DNAH7: variants seen among roughly 807,000 people sequenced by gnomAD.
The protein encoded by DNAH7 is dynein axonemal heavy chain 7, also known as axonemal beta dynein heavy chain 7.
DNAH7 carries 397 observed loss-of-function variants against 444.6 expected under a neutral mutation model. That is an observed-to-expected ratio of 0.89 (90% CI 0.82 to 0.97). The LOEUF (loss-of-function observed/expected upper bound fraction) is 0.97, where lower values mean the gene tolerates loss of function less well. Among genes scored for constraint, DNAH7 ranks in the 50% least tolerant of loss-of-function variants. The probability of loss-of-function intolerance (pLI) is 0.00; values close to 1 mark genes in which losing one functional copy is unlikely to be tolerated. For synonymous variants in DNAH7, 1,636 were observed against 1,624.4 expected (o/e 1.01, Z -0.17); for missense variants, 4,902 against 4,800.8 (o/e 1.02, Z -0.62).
chr2:195,778,400 G>T (rs2105953904), intron 58 of DNAH7, among the ~76,000 whole-genome samples: 1 of 151,170 alleles, frequency 6.6e-6, no homozygotes, highest in East Asian at 1.9e-4. Context: ...CACTTTGAGA[G>T]GCCAAGGCGA....
chr2:195,918,737 T>C (rs925290119), intron 24 of DNAH7, among the ~76,000 whole-genome samples: 6 of 152,314 alleles, frequency 3.9e-5, no homozygotes, highest in African/African-American at 1.2e-4. Context: ...CGACAGGGGT[T>C]CTGCGGGAGA....
intron 48 of DNAH7, among the ~76,000 whole-genome samples, chr2:195,830,721 A>G (rs910723553): frequency 6.6e-6 from 1 of 152,214 alleles, no homozygotes; most frequent in Non-Finnish European, 1.5e-5. Context: ...AAGAGCAAAA[A>G]CAAGCTAAGA....
intron 11 of DNAH7, among the ~76,000 whole-genome samples, chr2:196,001,208 AG>A (rs1412596806): frequency 2.0e-5 from 3 of 152,192 alleles, no homozygotes; most frequent in African/African-American, 7.2e-5. Flanking sequence ...ACACTGCAAC[AG>A]GACCTCCTTC....
intron 19 of DNAH7, among the ~76,000 whole-genome samples, chr2:195,944,573 T>G (rs1206108642): frequency 6.6e-6 from 1 of 152,152 alleles, no homozygotes. Flanking sequence ...CAGAGTCAAT[T>G]ACATCCAAGT....
chr2:195,880,511 G>C (rs934624532), intron 36 of DNAH7, among the ~76,000 whole-genome samples: 9 of 149,942 alleles, frequency 6.0e-5, no homozygotes, highest in Admixed American at 2.7e-4. Context: ...TTGTTTGCTT[G>C]TTTTTGTATT....
chr2:195,987,483 T>C (rs191590937), intron 13 of DNAH7, among the ~76,000 whole-genome samples: 17 of 152,174 alleles, frequency 1.1e-4, no homozygotes, highest in African/African-American at 3.9e-4. Context: ...AAATAAATAA[T>C]GTAGGTTTCA....
intron 1 of DNAH7, among the ~76,000 whole-genome samples, chr2:196,060,945 TCA>T (rs1698099747): frequency 6.6e-6 from 1 of 152,214 alleles, no homozygotes; most frequent in African/African-American, 2.4e-5. Context: ...CAATTCATTC[TCA>T]TTTTTTAAAG....
chr2:196,049,800 T>C (rs1284115021), intron 3 of DNAH7, among the ~76,000 whole-genome samples: 3 of 152,222 alleles, frequency 2.0e-5, no homozygotes, highest in Non-Finnish European at 4.4e-5. Flanking sequence ...GTCTCAGCCA[T>C]AGATATTCGA....
intron 35 of DNAH7, among the ~76,000 whole-genome samples, chr2:195,884,024 T>C (rs935914528): frequency 9.2e-5 from 14 of 152,228 alleles, no homozygotes; most frequent in African/African-American, 2.9e-4. Context: ...AAGCTGCCCA[T>C]TGGGAATGTG....
intron 16 of DNAH7, 80 bp downstream of exon 16, chr2:195,972,161 TA>T: frequency 8.4e-7 from 1 of 1,186,434 alleles, no homozygotes; most frequent in Non-Finnish European, 1.2e-6. Flanking sequence ...TGCACTCAAA[TA>T]AAATAATTGA....
chr2:196,041,608 G>A (rs144837398), intron 5 of DNAH7, among the ~76,000 whole-genome samples: 60 of 152,098 alleles, frequency 3.9e-4, no homozygotes, highest in African/African-American at 1.4e-3. Flanking sequence ...GAAAGTACTA[G>A]AAGAAAACAT....
At chr2:195,990,863 A>G (rs1693269234) in intron 12 of DNAH7, among the ~76,000 whole-genome samples, 1 of 141,880 alleles carries the variant, frequency 7.0e-6, no homozygotes, top group Non-Finnish European at 1.5e-5. Flanking sequence ...ATATATATAC[A>G]TATATACTTA....
intron 8 of DNAH7, among the ~76,000 whole-genome samples, chr2:196,020,483 C>T (rs749528848): frequency 6.6e-6 from 1 of 152,072 alleles, no homozygotes; most frequent in Admixed American, 6.5e-5. Flanking sequence ...GGCTGTATCA[C>T]CTTTGCAATT....
At chr2:196,009,227 A>G (rs1694575619) in intron 10 of DNAH7, among the ~76,000 whole-genome samples, 1 of 152,190 alleles carries the variant, frequency 6.6e-6, no homozygotes, top group African/African-American at 2.4e-5. Flanking sequence ...CAAGCATCCA[A>G]ACTATACGGC....
chr2:195,778,633 TA>T (rs1187749777), intron 58 of DNAH7, among the ~76,000 whole-genome samples: 2 of 30,290 alleles, frequency 6.6e-5, no homozygotes, highest in African/African-American at 2.6e-4. Context: ...AAAAAAAAAA[TA>T]AATAAATAAA....
At chr2:195,824,563 C>A (rs937937336) in intron 48 of DNAH7, 118 bp from the exon 49 acceptor site, 5 of 854,958 alleles carry the variant, frequency 5.8e-6, no homozygotes, top group South Asian at 4.9e-5. Flanking sequence ...TAGATACCTA[C>A]AAAATTACTT....
At position 195,855,918 on chromosome 2, in the gene DNAH7, C is replaced by T. The variant is rs1699676710; in HGVS notation, c.8488G>A (p.Gly2830Ser). 4 of 1,613,798 alleles carry T rather than the reference C, an allele frequency of 2.5e-6. No individual in the cohort carries two copies. Among genetic ancestry groups the T allele is most frequent in the Non-Finnish European group, 3.4e-6 (4 of 1,179,908 alleles). Reference protein sequence around the residue: ...AEGELKIAMDGLRKKQAALKE... With the variant: ...AEGELKIAMDSLRKKQAALKE... Reference sequence around the variant, plus strand: ...AGGGCTGCCTGCTTCTTTCTAAGACCATCCATGGCAATTTTAAGCTCCCCT... The same window carrying T: ...AGGGCTGCCTGCTTCTTTCTAAGACTATCCATGGCAATTTTAAGCTCCCCT... The change falls in exon 45 of 65, where the codon GGT becomes AGT. Residue 2830 changes from glycine to serine, a missense_variant. Physicochemically the swap from Gly to Ser is moderately conservative, Grantham distance 56 (BLOSUM62 0). Transcript: ENST00000312428.
At chr2:195,886,669 G>A (rs1228482713) in intron 33 of DNAH7, among the ~76,000 whole-genome samples, 1 of 152,092 alleles carries the variant, frequency 6.6e-6, no homozygotes, top group Non-Finnish European at 1.5e-5. Context: ...CAATACTCAT[G>A]GTAAACTCAT....
Position 195,857,712 on chromosome 2 carries a change from CA to C in DNAH7, c.8078del (p.Val2693GlyfsTer2), listed in dbSNP as rs1159529691. The C allele has an allele frequency of 5.6e-6, 9 of 1,601,854 alleles. No individual in the cohort carries two copies. Among genetic ancestry groups the C allele is most frequent in the Non-Finnish European group, 7.7e-6 (9 of 1,174,580 alleles). Reference sequence around the variant, plus strand: ...CAGGAGGACTCTTCATGGATTTTACCACTGTAATATCCTTGAAATAACAACG... The same window carrying C: ...CAGGAGGACTCTTCATGGATTTTACCCTGTAATATCCTTGAAATAACAACG... ...LDTLTAQDIT[V>X]VKSMKSPPAG... On this transcript the variant is annotated frameshift_variant, in exon 44 of 65. Coordinates refer to ENST00000312428, the MANE Select transcript of DNAH7 (RefSeq NM_018897.3). LOFTEE classifies it high-confidence loss of function.
Sources: allele counts gnomAD v4.1 joint callset (sites outside exome capture counted in the v4.1 genomes callset), GRCh38; gene constraint gnomAD v4.1.1; transcripts MANE v1.5; gene names NCBI Gene and HGNC (gene_info 2026-07-23, HGNC 2026-07-21).